The following ATP8A1 variants were observed in gnomAD, a reference collection of about 807,000 sequenced individuals.
The protein encoded by ATP8A1 is ATPase phospholipid transporting 8A1, also known as phospholipid-transporting ATPase IA.
Under a neutral mutation model 177.7 loss-of-function variants are expected in ATP8A1, and 90 were observed. The observed-to-expected ratio is 0.51, with a 90% CI of 0.43 to 0.60. ATP8A1 has a LOEUF of 0.60. Among genes scored for constraint, ATP8A1 ranks in the 20% least tolerant of loss-of-function variants. The pLI is 0.00. For missense variants in ATP8A1, 1,072 were observed against 1,392.8 expected (o/e 0.77, Z 3.67); for synonymous variants, 493 against 485.9 (o/e 1.01, Z -0.19).
intron 1 of ATP8A1, among the ~76,000 whole-genome samples, chr4:42,637,517 T>C (rs1353720537): frequency 6.6e-6 from 1 of 152,192 alleles, no homozygotes; most frequent in East Asian, 1.9e-4. Flanking sequence ...CAACAATTGA[T>C]AGCTTTTCAT....
intron 22 of ATP8A1, among the ~76,000 whole-genome samples, chr4:42,517,494 G>T (rs1286358400): frequency 2.0e-5 from 3 of 152,112 alleles, no homozygotes; most frequent in African/African-American, 7.2e-5. Context: ...ACTAAGAGGT[G>T]TTACTGTCCA....
intron 1 of ATP8A1, among the ~76,000 whole-genome samples, chr4:42,639,642 T>A (rs192992897): frequency 5.9e-4 from 90 of 152,362 alleles, no homozygotes; most frequent in Admixed American, 2.2e-3. Flanking sequence ...CATATATGTA[T>A]GTGTAGGTAT....
intron 1 of ATP8A1, among the ~76,000 whole-genome samples, chr4:42,634,871 T>G (rs1334902646): frequency 6.6e-6 from 1 of 152,232 alleles, no homozygotes; most frequent in Non-Finnish European, 1.5e-5. Flanking sequence ...TTTTATCATC[T>G]GAGTCTCAGC....
At chr4:42,464,533 G>A (rs904796699) in intron 27 of ATP8A1, among the ~76,000 whole-genome samples, 157 bp downstream of exon 27, 1 of 152,148 alleles carries the variant, frequency 6.6e-6, no homozygotes, top group African/African-American at 2.4e-5. Context: ...CCAGAGTGCT[G>A]GGATTACAGG....
intron 25 of ATP8A1, among the ~76,000 whole-genome samples, chr4:42,467,736 C>T (rs996287507): frequency 6.6e-6 from 1 of 152,116 alleles, no homozygotes; most frequent in African/African-American, 2.4e-5. Context: ...AGATTGAAGA[C>T]ATAATGGATT....
intron 1 of ATP8A1, among the ~76,000 whole-genome samples, chr4:42,644,127 C>T (rs921752326): frequency 7.2e-5 from 11 of 152,008 alleles, no homozygotes; most frequent in African/African-American, 2.7e-4. Flanking sequence ...AAATATCTGA[C>T]CTATAAAGAA....
At chr4:42,492,713 T>C (rs2153190821) in intron 24 of ATP8A1, among the ~76,000 whole-genome samples, 1 of 152,294 alleles carries the variant, frequency 6.6e-6, no homozygotes, top group South Asian at 2.1e-4. Context: ...CTAAGACAAT[T>C]TCGTTATTCT....
Position 42,413,026 on chromosome 4 carries a change from G to A in ATP8A1, c.3398-13C>T. On this transcript the variant is annotated splice_polypyrimidine_tract_variant and intron_variant, in intron 36 of 36. Coordinates refer to ENST00000381668, the MANE Select transcript of ATP8A1 (RefSeq NM_006095.2). ...AACGCATACCCATCTGTAGGTTAAT[G>A]ATAAAACAGAAATTCTCACAAAGGC... 2 of 1,607,946 alleles carry A rather than the reference G, an allele frequency of 1.2e-6. No homozygotes were observed. Among genetic ancestry groups the A allele is most frequent in the South Asian group, 1.1e-5 (1 of 90,688 alleles).
intron 1 of ATP8A1, among the ~76,000 whole-genome samples, chr4:42,633,731 A>T (rs904569645): frequency 1.3e-5 from 2 of 152,204 alleles, no homozygotes; most frequent in African/African-American, 4.8e-5. Context: ...CCTGGCACGT[A>T]GTAAGAGTTT....
intron 20 of ATP8A1, among the ~76,000 whole-genome samples, chr4:42,534,943 C>T (rs1040296308): frequency 5.5e-4 from 83 of 151,962 alleles, no homozygotes; most frequent in Non-Finnish European, 2.9e-4. Context: ...CAGTCTTTTT[C>T]GGAAAAACAA....
chr4:42,457,890 TA>T (rs1718666405), intron 27 of ATP8A1, among the ~76,000 whole-genome samples: 1 of 152,194 alleles, frequency 6.6e-6, no homozygotes, highest in South Asian at 2.1e-4. Context: ...AGTGGAAAGG[TA>T]TCAACACATT....
chr4:42,439,949 G>A (rs1395562505), intron 33 of ATP8A1, among the ~76,000 whole-genome samples: 1 of 152,212 alleles, frequency 6.6e-6, no homozygotes, highest in Non-Finnish European at 1.5e-5. Context: ...GAGTCAGATA[G>A]TGATGTCAGA....
chr4:42,526,596 C>A (rs1726696810), intron 20 of ATP8A1, among the ~76,000 whole-genome samples: 1 of 152,160 alleles, frequency 6.6e-6, no homozygotes, highest in African/African-American at 2.4e-5. Context: ...ACATCGGACT[C>A]CAAGTTCTTC....
intron 1 of ATP8A1, among the ~76,000 whole-genome samples, chr4:42,645,061 G>A (rs1241591964): frequency 1.3e-5 from 2 of 152,102 alleles, no homozygotes; most frequent in Non-Finnish European, 2.9e-5. Flanking sequence ...TAATGACACT[G>A]CAGAAAAGCT....
chr4:42,535,492 T>TA (rs1727727958), intron 20 of ATP8A1, among the ~76,000 whole-genome samples: 1 of 151,596 alleles, frequency 6.6e-6, no homozygotes. Context: ...TGAAAGGGGA[T>TA]AGACAGCAGC....
At chr4:42,518,312 T>C (rs1725768859) in intron 22 of ATP8A1, among the ~76,000 whole-genome samples, 1 of 152,222 alleles carries the variant, frequency 6.6e-6, no homozygotes, top group African/African-American at 2.4e-5. Flanking sequence ...GGCAATGACA[T>C]ATCAATTCAA....
At chr4:42,598,029 A>G (rs1734882206) in intron 6 of ATP8A1, among the ~76,000 whole-genome samples, 1 of 152,142 alleles carries the variant, frequency 6.6e-6, no homozygotes, top group Non-Finnish European at 1.5e-5. Flanking sequence ...AATATTTCAC[A>G]TAGCCTGCCT....
At chr4:42,542,897 T>C (rs1578134771) in intron 20 of ATP8A1, among the ~76,000 whole-genome samples, 1 of 152,198 alleles carries the variant, frequency 6.6e-6, no homozygotes, top group East Asian at 1.9e-4. Flanking sequence ...TGTATCCCAA[T>C]CTTCTTTTTA....
At chr4:42,509,805 TC>T (rs1487001596) in intron 22 of ATP8A1, among the ~76,000 whole-genome samples, 51 of 124,500 alleles carry the variant, frequency 4.1e-4, no homozygotes, top group Non-Finnish European at 7.2e-4. Context: ...TAAGCCGAGA[TC>T]AAGCCACTGC....
Sources: gnomAD v4.1 joint callset for allele counts (sites outside exome capture counted in the v4.1 genomes callset) on GRCh38, gnomAD v4.1.1 for gene constraint, MANE v1.5 for transcripts, NCBI Gene and HGNC (gene_info 2026-07-23, HGNC 2026-07-21) for gene names.